The following NCAPD3 variants were observed in gnomAD, a reference collection of about 807,000 sequenced individuals.
The protein encoded by NCAPD3 is non-SMC condensin II complex subunit D3.
A neutral mutation model predicts 182.9 loss-of-function variants in NCAPD3; 105 were observed. The ratio of observed to expected loss-of-function variants is 0.57; its 90% confidence interval spans 0.49 to 0.68. The LOEUF (loss-of-function observed/expected upper bound fraction) is 0.68, where lower values mean the gene tolerates loss of function less well. NCAPD3 is among the 30% of genes least tolerant of loss of function. NCAPD3 has a pLI of 0.00. For synonymous variants in NCAPD3, 815 were observed against 679.9 expected (o/e 1.20, Z -3.09); for missense variants, 1,944 against 1,837.0 (o/e 1.06, Z -1.07).
chr11:134,217,932 C>A (rs948342992), intron 2 of NCAPD3, among the ~76,000 whole-genome samples: 7 of 151,934 alleles, frequency 4.6e-5, no homozygotes, highest in Non-Finnish European at 8.8e-5. Context: ...GACCTTGTCT[C>A]CACAAAAAAT....
At chr11:134,214,469 G>T (rs548350540) in intron 3 of NCAPD3, among the ~76,000 whole-genome samples, 51 of 152,296 alleles carry the variant, frequency 3.3e-4, no homozygotes, top group African/African-American at 1.1e-3. Flanking sequence ...AGAAATGCAT[G>T]TGAGAACAAA....
intron 2 of NCAPD3, 147 bp from the exon 3 acceptor site, chr11:134,217,245 G>T: frequency 3.4e-6 from 2 of 588,414 alleles, no homozygotes; most frequent in Non-Finnish European, 5.3e-6. Context: ...CATCTTCAAA[G>T]GGACTGAAAC....
At chr11:134,183,186 G>A in intron 19 of NCAPD3, 1 of 456,208 alleles carries the variant, frequency 2.2e-6, no homozygotes. Context: ...AAAGTCAGAG[G>A]CCTTAGTTCT....
Position 134,152,741 on chromosome 11 carries a change from A to C in NCAPD3, c.*203T>G, listed in dbSNP as rs1030584431. 2 of 468,896 alleles carry C rather than the reference A, an allele frequency of 4.3e-6. No individual in the cohort carries two copies. The highest frequency in any genetic ancestry group is 2.0e-5 in the African/African-American group (1 of 51,058). 29.0% of individuals were successfully genotyped at this position (468,896 alleles called of 1,614,324 possible). A position where few individuals can be genotyped will look rare whatever the true frequency, so the allele number is the denominator to read the frequency against. ...GGGTAAGAAAATCTAAATCTGGCAC[A>C]TCTCTATTATTTGACAGTGTTTAAC... On this transcript the variant is annotated 3_prime_UTR_variant, in exon 35 of 35. Coordinates refer to ENST00000534548, the MANE Select transcript of NCAPD3 (RefSeq NM_015261.3).
intron 16 of NCAPD3, among the ~76,000 whole-genome samples, chr11:134,188,623 T>C (rs1007927196): frequency 6.6e-6 from 1 of 151,990 alleles, no homozygotes; most frequent in African/African-American, 2.4e-5. Context: ...CTTTAAGAGC[T>C]GTAACACTCA....
At chr11:134,163,443 T>C (rs1430773283) in intron 27 of NCAPD3, among the ~76,000 whole-genome samples, 1 of 152,078 alleles carries the variant, frequency 6.6e-6, no homozygotes. Context: ...CTCATGCCTG[T>C]AATCCCAGCA....
chr11:134,163,014 G>C (rs1943631626), intron 27 of NCAPD3, among the ~76,000 whole-genome samples: 1 of 152,174 alleles, frequency 6.6e-6, no homozygotes, highest in Non-Finnish European at 1.5e-5. Flanking sequence ...CCAGAGGCAA[G>C]AGCACACGAG....
chr11:134,221,844 TGAA>T (rs1938241853), intron 1 of NCAPD3, among the ~76,000 whole-genome samples: 1 of 152,212 alleles, frequency 6.6e-6, no homozygotes, highest in Non-Finnish European at 1.5e-5. Flanking sequence ...AACTTGACCC[TGAA>T]GGAGGGGGTC....
chr11:134,154,885 A>G (rs1050345915), intron 32 of NCAPD3, among the ~76,000 whole-genome samples: 5 of 152,228 alleles, frequency 3.3e-5, no homozygotes, highest in African/African-American at 1.2e-4. Context: ...AGACGATGGT[A>G]GAGAATTCCT....
chr11:134,165,759 C>T (rs1424728393), intron 27 of NCAPD3, among the ~76,000 whole-genome samples: 2 of 138,532 alleles, frequency 1.4e-5, no homozygotes, highest in Non-Finnish European at 3.1e-5. Context: ...GTGAGATGAG[C>T]TTGGGGGAGG....
chr11:134,175,246 G>T (rs1433738638), intron 24 of NCAPD3, among the ~76,000 whole-genome samples: 1 of 152,118 alleles, frequency 6.6e-6, no homozygotes, highest in Non-Finnish European at 1.5e-5. Flanking sequence ...TACCTCCCAG[G>T]TGCATCATCT....
intron 27 of NCAPD3, among the ~76,000 whole-genome samples, chr11:134,167,328 TGGGG>T (rs1943864406): frequency 2.5e-5 from 1 of 39,654 alleles, no homozygotes; most frequent in Non-Finnish European, 3.8e-5. Flanking sequence ...GAAATGAGCC[TGGGG>T]GAGGCGCACA....
chr11:134,162,024 G>A (rs538056903), intron 27 of NCAPD3, 133 bp from the exon 28 acceptor site: 5 of 561,428 alleles, frequency 8.9e-6, no homozygotes, highest in South Asian at 7.6e-5. Flanking sequence ...TTATGATACT[G>A]GATGTAGAGG....
Position 134,157,047 on chromosome 11 carries a change from A to T in NCAPD3, c.4223T>A (p.Val1408Glu). 2 of 1,613,850 alleles carry T rather than the reference A, an allele frequency of 1.2e-6. No homozygotes were observed. Among genetic ancestry groups the T allele is most frequent in the Non-Finnish European group, 1.7e-6 (2 of 1,179,878 alleles). ...GGGGGTGCTGATGGCCCGCTTGGTC[A>T]CGTGCTCAATCTCGCCATTCGACTC... ...EQESNGEIEH[V>E]TKRAISTPEK... The change falls in exon 32 of 35, where the codon GTG becomes GAG. Residue 1408 changes from valine (V) to glutamate (E), a missense_variant. Around this residue, in one of 3 missense-constraint regions of NCAPD3, gnomAD observed 1,803 missense variants for 1,674.6 expected, o/e 1.08. Transcript: ENST00000534548.
chr11:134,194,746 G>C lies in NCAPD3; in HGVS notation c.1616-8C>G. On this transcript the variant is annotated splice_polypyrimidine_tract_variant and splice_region_variant and intron_variant, in intron 13 of 34. Coordinates refer to ENST00000534548, the MANE Select transcript of NCAPD3 (RefSeq NM_015261.3). ...TTGCCATGACACATCTTTCTGTAGA[G>C]GGAATACCAAAGGGTCATCACAGCT... is the stretch of plus-strand genomic sequence containing the variant. 6.3e-7 allele frequency: 1 copy of C among 1,591,182 alleles called. No individual in the cohort carries two copies. The highest frequency in any genetic ancestry group is 8.6e-7 in the Non-Finnish European group (1 of 1,167,000).
At chr11:134,183,524 C>T (rs558618493) in intron 19 of NCAPD3, among the ~76,000 whole-genome samples, 113 of 152,070 alleles carry the variant, frequency 7.4e-4, no homozygotes, top group Non-Finnish European at 1.3e-3. Flanking sequence ...GCTGAGATTG[C>T]GCCACTGTAC....
chr11:134,159,602 G>GTC (rs1415007204), intron 29 of NCAPD3, among the ~76,000 whole-genome samples: 1 of 152,220 alleles, frequency 6.6e-6, no homozygotes, highest in African/African-American at 2.4e-5. Context: ...GCTGGGGGAA[G>GTC]ATGCGGACAC....
chr11:134,224,058 T>G (rs1177017011), upstream of NCAPD3: 4 of 1,129,772 alleles, frequency 3.5e-6, no homozygotes, highest in East Asian at 1.0e-4. Flanking sequence ...CGCCGAGCCG[T>G]TTCCATTCGC....
Position 134,176,509 on chromosome 11 carries a change from C to T in NCAPD3, c.3022-123G>A, listed in dbSNP as rs61411022. 2.7e-3 allele frequency: 2,016 copies of T among 743,116 alleles called. 27 individuals carry two copies. The African/African-American group carries it at 0.03, about 11-fold the overall frequency. 46.0% of individuals were successfully genotyped at this position (743,116 alleles called of 1,614,324 possible). On this transcript the variant is annotated intron_variant, in intron 23 of 34. Coordinates refer to ENST00000534548, the MANE Select transcript of NCAPD3 (RefSeq NM_015261.3). Reference sequence around the variant, plus strand: ...CACACTGGCTGAGTGCACAGGCACACACTTCCAAACCGTCGGAATGTAGTG... The same window carrying T: ...CACACTGGCTGAGTGCACAGGCACATACTTCCAAACCGTCGGAATGTAGTG...
Sources: allele counts gnomAD v4.1 joint callset (sites outside exome capture counted in the v4.1 genomes callset), GRCh38; gene constraint gnomAD v4.1.1; regional missense constraint gnomAD v4.1.1; transcripts MANE v1.5; gene names NCBI Gene and HGNC (gene_info 2026-07-23, HGNC 2026-07-21).